The following PYROXD2 variants were observed in gnomAD, a reference collection of about 807,000 sequenced individuals.
The protein encoded by PYROXD2 is pyridine nucleotide-disulphide oxidoreductase domain 2.
PYROXD2 carries 69 observed loss-of-function variants against 71.1 expected under a neutral mutation model. The ratio of observed to expected loss-of-function variants is 0.97; its 90% CI spans 0.80 to 1.19. The LOEUF (loss-of-function observed/expected upper bound fraction) is 1.19. Ranked by LOEUF, PYROXD2 falls within the 50% of genes most tolerant of loss-of-function variation. The pLI is 0.00. For synonymous variants in PYROXD2, 287 were observed against 302.7 expected (o/e 0.95, Z 0.54); for missense variants, 745 against 748.9 (o/e 0.99, Z 0.06).
At chr10:98,401,047 G>C (rs1205093282) in intron 4 of PYROXD2, among the ~76,000 whole-genome samples, 1 of 152,102 alleles carries the variant, frequency 6.6e-6, no homozygotes, top group Non-Finnish European at 1.5e-5. Flanking sequence ...GAGGTCAGGA[G>C]TTCGAGACCA....
intron 2 of PYROXD2, among the ~76,000 whole-genome samples, chr10:98,409,893 C>T (rs1843728806): frequency 6.6e-6 from 1 of 152,160 alleles, no homozygotes; most frequent in Admixed American, 6.5e-5. Context: ...GCCTGGCCAA[C>T]ATGGCGAAAC....
At chr10:98,407,825 G>A (rs1013078062) in intron 3 of PYROXD2, 79 bp downstream of exon 3, 8 of 1,426,876 alleles carry the variant, frequency 5.6e-6, no homozygotes, top group African/African-American at 3.1e-5. Flanking sequence ...GATGGAGACC[G>A]TCACCCGGGG....
chr10:98,408,789 G>A (rs1450378860), intron 2 of PYROXD2, among the ~76,000 whole-genome samples: 1 of 152,136 alleles, frequency 6.6e-6, no homozygotes, highest in Non-Finnish European at 1.5e-5. Context: ...TGCAAAAGTC[G>A]GACTTTTCAA....
At chr10:98,414,915 T>G (rs987481606) in intron 1 of PYROXD2, 94 bp downstream of exon 1, 57 of 1,524,570 alleles carry the variant, frequency 3.7e-5, no homozygotes, top group Non-Finnish European at 4.9e-5. Context: ...GAGAGAGCAG[T>G]GGGGCTTGGC....
At chr10:98,408,483 A>C (rs575575001) in intron 2 of PYROXD2, among the ~76,000 whole-genome samples, 8 of 152,168 alleles carry the variant, frequency 5.3e-5, no homozygotes, top group Non-Finnish European at 1.0e-4. Context: ...GTTTGTTCAC[A>C]TGCAAAAGTG....
intron 4 of PYROXD2, among the ~76,000 whole-genome samples, chr10:98,406,240 C>T (rs17455577): frequency 0.26 from 39,758 of 152,132 alleles, 6,442 homozygotes; most frequent in Non-Finnish European, 0.34. Flanking sequence ...ATGACAAATA[C>T]CATTTCAAAT....
In PYROXD2 at chr10:98,384,947, C is replaced by G; in HGVS notation, c.1675G>C (p.Gly559Arg). Residue 559 changes from glycine to arginine, a missense_variant and splice_region_variant, in exon 15 of 16, where the codon GGA (glycine) becomes CGA (arginine). Physicochemically the swap from Gly to Arg is moderately radical, Grantham distance 125 (BLOSUM62 -2). Transcript: ENST00000370575. ...GGTAGTGGGACTCCAGGTCACTCAC[C>G]AGGATGAGCCCCACTTCCACAGAGA... ...LYLCGSGAHP[G>R]GGVMGAAGRN... is the part of the protein sequence containing the mutation. The G allele has an allele frequency of 6.2e-7, 1 of 1,610,182 alleles. No individual in the cohort carries two copies. The highest frequency in any genetic ancestry group is 8.5e-7 in the Non-Finnish European group (1 of 1,178,768).
intron 5 of PYROXD2, 71 bp from the exon 6 acceptor site, chr10:98,397,569 G>C: frequency 6.9e-7 from 1 of 1,455,288 alleles, no homozygotes; most frequent in Non-Finnish European, 9.1e-7. Flanking sequence ...CAGATGGCCT[G>C]TCACCCCCCC....
In PYROXD2 at chr10:98,383,653, T is replaced by G. The variant is rs1842658977; in HGVS notation, c.*145A>C. 5.5e-6 allele frequency: 4 copies of G among 725,430 alleles called. No homozygotes were observed. In the Admixed American group the frequency reaches 6.3e-5, roughly 11 times the overall value. The allele number at this position is 725,430 out of a possible 1,614,324, so 44.9% of individuals were successfully genotyped here. On this transcript the variant is annotated 3_prime_UTR_variant, in exon 16 of 16. Transcript: ENST00000370575. Reference sequence around the variant, plus strand: ...AAGGTCAACTTGCACTAAATGTAACTCGTACGTTTTTTCTAAAATAATTTC... The same window carrying G: ...AAGGTCAACTTGCACTAAATGTAACGCGTACGTTTTTTCTAAAATAATTTC...
At chr10:98,388,319 G>A (rs764358822) in intron 13 of PYROXD2, 35 bp downstream of exon 13, 2 of 1,612,144 alleles carry the variant, frequency 1.2e-6, no homozygotes, top group Admixed American at 3.3e-5. Context: ...ATGCCCGGCT[G>A]TGGCTCTGGA....
At chr10:98,388,771 C>T (rs1198545662) in intron 12 of PYROXD2, among the ~76,000 whole-genome samples, 1 of 151,960 alleles carries the variant, frequency 6.6e-6, no homozygotes, top group Non-Finnish European at 1.5e-5. Context: ...TGTGCTCTAA[C>T]CACAGCTCCC....
chr10:98,390,596 A>G lies in PYROXD2; in HGVS notation c.1292+2T>C, dbSNP rs1484996569. ...AGGGAACATAAAGTCCAGGGCCCCT[A>G]CCTGTGGGAAGGCAGGCCATCCATG... On this transcript the variant is annotated splice_donor_variant, in intron 12 of 15. Transcript: ENST00000370575. LOFTEE classifies it high-confidence loss of function. 1.3e-6 allele frequency: 2 copies of G among 1,586,272 alleles called. No homozygotes were observed. Among genetic ancestry groups the G allele is most frequent in the African/African-American group, 2.7e-5 (2 of 74,210 alleles).
At chr10:98,406,564 C>G (rs1843603070) in intron 4 of PYROXD2, among the ~76,000 whole-genome samples, 1 of 152,204 alleles carries the variant, frequency 6.6e-6, no homozygotes, top group Non-Finnish European at 1.5e-5. Context: ...AGCTGGACAT[C>G]TTACTAGTTT....
chr10:98,384,010 T>C, intron 15 of PYROXD2, 142 bp from the exon 16 acceptor site: 1 of 712,770 alleles, frequency 1.4e-6, no homozygotes, highest in Non-Finnish European at 2.5e-6. Flanking sequence ...TGGAATCACC[T>C]AAGACAGCCG....
At chr10:98,386,366 G>GAAGGAA (rs1842754684) in intron 14 of PYROXD2, among the ~76,000 whole-genome samples, 2 of 148,740 alleles carry the variant, frequency 1.3e-5, no homozygotes, top group East Asian at 2.0e-4. Flanking sequence ...AGGAAGGAAG[G>GAAGGAA]GCAAGCTGAT....
In PYROXD2 at chr10:98,397,515, C is replaced by T. The variant is rs779544076; in HGVS notation, c.472-17G>A. 49 of 1,575,008 alleles carry T rather than the reference C, an allele frequency of 3.1e-5. No individual in the cohort carries two copies. Among genetic ancestry groups the T allele is most frequent in the Non-Finnish European group, 4.2e-5 (49 of 1,154,976 alleles). On this transcript the variant is annotated splice_polypyrimidine_tract_variant and intron_variant, in intron 5 of 15. Coordinates refer to ENST00000370575, the MANE Select transcript of PYROXD2 (RefSeq NM_032709.3). Reference sequence around the variant, plus strand: ...GGGAAAGACCTGGAACAGAGCTCTGCATTAAGGCCCCACTGTCCACATCCC... The same window carrying T: ...GGGAAAGACCTGGAACAGAGCTCTGTATTAAGGCCCCACTGTCCACATCCC...
At chr10:98,384,917 C>T (rs776701740) in intron 15 of PYROXD2, 30 bp downstream of exon 15, 6 of 1,593,174 alleles carry the variant, frequency 3.8e-6, no homozygotes, top group Non-Finnish European at 5.1e-6. Flanking sequence ...TCCCAGTCCC[C>T]ACAGGGTAGT....
intron 14 of PYROXD2, among the ~76,000 whole-genome samples, chr10:98,386,144 G>C (rs1842741972): frequency 6.6e-6 from 1 of 151,968 alleles, no homozygotes; most frequent in South Asian, 2.1e-4. Flanking sequence ...AGGTGTGGTG[G>C]TGCATGCCTG....
At position 98,387,208 on chromosome 10, in the gene PYROXD2, GGAAGCCCGAA is replaced by G. The variant is rs1842781939; in HGVS notation, c.1537_1546del (p.Phe513LeufsTer47). 9.3e-6 allele frequency: 15 copies of G among 1,613,802 alleles called. No individual in the cohort carries two copies. The highest frequency in any genetic ancestry group is 1.3e-5 in the Non-Finnish European group (15 of 1,179,798). ...CCCTAGGCTTATACATACCCCTCCA[GGAAGCCCGAA>G]GATTCTCTCCAAATCTGGTGGTGTG... On this transcript the variant is annotated frameshift_variant, in exon 14 of 16. Transcript: ENST00000370575. LOFTEE classifies it high-confidence loss of function.
Sources: gnomAD v4.1 joint callset for allele counts (sites outside exome capture counted in the v4.1 genomes callset) on GRCh38, gnomAD v4.1.1 for gene constraint, MANE v1.5 for transcripts, NCBI Gene and HGNC (gene_info 2026-07-23, HGNC 2026-07-21) for gene names.